Variants in PTPN9 observed in about 807,000 individuals in gnomAD.
PTPN9 encodes tyrosine-protein phosphatase non-receptor type 9.
In PTPN9, 26 loss-of-function variants were observed where a neutral mutation model predicts 69.8. That is an observed-to-expected ratio of 0.37 (90% CI 0.27 to 0.52). PTPN9 has a LOEUF of 0.52. PTPN9 is among the 20% of genes least tolerant of loss of function. The pLI is 0.91. For missense variants in PTPN9, 549 were observed against 740.3 expected, an observed-to-expected ratio of 0.74 and a Z score of 3.00; for synonymous variants, 274 against 272.5, an observed-to-expected ratio of 1.01 and a Z score of -0.05.
intron 5 of PTPN9, among the ~76,000 whole-genome samples, chr15:75,510,031 C>T (rs1031973242): frequency 6.6e-6 from 1 of 152,122 alleles, no homozygotes; most frequent in East Asian, 1.9e-4. Flanking sequence ...TTAAAAATTT[C>T]TCTTTCATAA....
In PTPN9 at chr15:75,463,602, T is replaced by G. The variant is rs1164378703; in HGVS notation, c.*5167A>C. 2 of 152,144 alleles carry G rather than the reference T, an allele frequency of 1.3e-5. No individual in the cohort carries two copies. Among genetic ancestry groups the G allele is most frequent in the Non-Finnish European group, 2.9e-5 (2 of 68,032 alleles). 9.4% of individuals were successfully genotyped at this position (152,144 alleles called of 1,614,324 possible). A position where few individuals can be genotyped will look rare whatever the true frequency, so the allele number is the denominator to read the frequency against. On this transcript the variant is annotated 3_prime_UTR_variant, in exon 13 of 13. Transcript: ENST00000618819. ...CCACATTTAGCTCAAACAGGAGGAT[T>G]TTATGACAGCCAAGGTAAAGAAGGG...
intron 1 of PTPN9, among the ~76,000 whole-genome samples, chr15:75,539,016 A>G (rs570366875): frequency 6.6e-6 from 1 of 152,212 alleles, no homozygotes; most frequent in Non-Finnish European, 1.5e-5. Context: ...TAAAAAAAAT[A>G]AAAAAGAAAG....
intron 5 of PTPN9, among the ~76,000 whole-genome samples, chr15:75,511,691 ACTTT>A (rs1179132677): frequency 6.6e-6 from 1 of 152,134 alleles, no homozygotes; most frequent in African/African-American, 2.4e-5. Flanking sequence ...CCCAACTTAG[ACTTT>A]CTATTTGTCA....
chr15:75,490,872 G>A (rs953090895), intron 7 of PTPN9, among the ~76,000 whole-genome samples: 12 of 152,136 alleles, frequency 7.9e-5, no homozygotes, highest in South Asian at 2.1e-4. Context: ...TGATCTGCCC[G>A]CCTCGGCCTC....
Position 75,470,702 on chromosome 15 carries a change from G to T in PTPN9, c.1337C>A (p.Thr446Lys), listed in dbSNP as rs552177179. The T allele has an allele frequency of 6.2e-7, 1 of 1,613,968 alleles. No individual in the cohort carries two copies. Among genetic ancestry groups the T allele is most frequent in the Non-Finnish European group, 8.5e-7 (1 of 1,179,986 alleles). Reference protein sequence around the residue: ...VENMNHYKKTTLEIHNTEERQ... With the variant: ...VENMNHYKKTKLEIHNTEERQ... The stretch of plus-strand genomic sequence containing the variant: ...TACCTCTGTGTTGTGAATTTCTAGC[G>T]TTGTTTTCTTATAATGATTCATGTT... Residue 446 changes from threonine (T) to lysine (K), a missense_variant, in exon 11 of 13, where the codon ACG becomes AAG. Around this residue, in one of 3 missense-constraint regions of PTPN9, gnomAD observed 457 missense variants for 661.9 expected, o/e 0.69. Transcript: ENST00000618819.
Position 75,467,849 on chromosome 15 carries a change from G to A in PTPN9, c.*920C>T, listed in dbSNP as rs1237654297. 3.3e-5 allele frequency: 5 copies of A among 152,642 alleles called. No individual in the cohort carries two copies. The highest frequency in any genetic ancestry group is 5.9e-5 in the Non-Finnish European group (4 of 68,058). 9.5% of individuals were successfully genotyped at this position (152,642 alleles called of 1,614,324 possible). A position where few individuals can be genotyped will look rare whatever the true frequency, so the allele number is the denominator to read the frequency against. On this transcript the variant is annotated 3_prime_UTR_variant, in exon 13 of 13. Transcript: ENST00000618819. ...GAGGTCTGTTCCCCAAATTGGCCAA[G>A]TAAATGTAGAAAAATCATCGGATAA...
chr15:75,551,624 G>A (rs146234913), intron 1 of PTPN9, among the ~76,000 whole-genome samples: 131 of 152,176 alleles, frequency 8.6e-4, no homozygotes, highest in African/African-American at 3.1e-3. Context: ...TCTGTCTCTG[G>A]CCTAGTCCCA....
At chr15:75,472,415 T>C (rs1055622386) in intron 10 of PTPN9, among the ~76,000 whole-genome samples, 2 of 151,726 alleles carry the variant, frequency 1.3e-5, no homozygotes, top group Admixed American at 6.6e-5. Context: ...TGAGCTGAGA[T>C]TGCGCCACTG....
chr15:75,504,144 G>A (rs1232878510), intron 7 of PTPN9, among the ~76,000 whole-genome samples: 7 of 117,920 alleles, frequency 5.9e-5, no homozygotes, highest in East Asian at 2.9e-4. Flanking sequence ...TCAGCCCCCC[G>A]CCCGGACAGC....
intron 1 of PTPN9, among the ~76,000 whole-genome samples, chr15:75,556,980 C>T (rs1010556386): frequency 2.0e-5 from 3 of 152,158 alleles, no homozygotes; most frequent in Non-Finnish European, 4.4e-5. Flanking sequence ...TTTCATGAAG[C>T]CGAATGTTTC....
chr15:75,499,263 G>T (rs992484207), intron 7 of PTPN9, among the ~76,000 whole-genome samples: 3 of 152,008 alleles, frequency 2.0e-5, no homozygotes, highest in Admixed American at 1.3e-4. Flanking sequence ...GAGGATTCTA[G>T]GTTCTAAATC....
chr15:75,527,102 C>T lies in PTPN9; in HGVS notation c.207+16G>A. 6.2e-7 allele frequency: 1 copy of T among 1,614,070 alleles called. No individual in the cohort carries two copies. The highest frequency in any genetic ancestry group is 8.5e-7 in the Non-Finnish European group (1 of 1,179,968). ...ACCCAACTGCCACAGGTCTGGTCTA[C>T]CCCTGAGCCACATACTCTGTAGGAG... is the stretch of plus-strand genomic sequence containing the variant. On this transcript the variant is annotated intron_variant, in intron 2 of 12. Coordinates refer to ENST00000618819, the MANE Select transcript of PTPN9 (RefSeq NM_002833.4).
At position 75,523,310 on chromosome 15, in the gene PTPN9, T is replaced by G. The variant is rs564273319; in HGVS notation, c.298-65A>C. ...AGAAAATCACAGCAATTACTAAGAC[T>G]TATATACTGGATAAGGGTTTGATAC... On this transcript the variant is annotated intron_variant, in intron 3 of 12. Coordinates refer to ENST00000618819, the MANE Select transcript of PTPN9 (RefSeq NM_002833.4). The G allele has an allele frequency of 1.6e-5, 25 of 1,539,732 alleles. No homozygotes were observed. The South Asian group carries it at 2.4e-4, about 15-fold the overall frequency.
chr15:75,536,072 T>C (rs936218491), intron 1 of PTPN9, among the ~76,000 whole-genome samples: 5 of 152,246 alleles, frequency 3.3e-5, no homozygotes, highest in Admixed American at 1.3e-4. Context: ...GTTTTAAGTA[T>C]ATTTTCTGAT....
chr15:75,489,590 A>G (rs987544209), intron 8 of PTPN9, among the ~76,000 whole-genome samples: 1 of 149,938 alleles, frequency 6.7e-6, no homozygotes, highest in Non-Finnish European at 1.5e-5. Context: ...CTTGAGGGAG[A>G]AAAAAAAAAG....
At chr15:75,519,974 T>G (rs1043450263) in intron 4 of PTPN9, among the ~76,000 whole-genome samples, 1 of 151,982 alleles carries the variant, frequency 6.6e-6, no homozygotes, top group African/African-American at 2.4e-5. Context: ...ACAAAAAAAT[T>G]TTAAAATTGG....
chr15:75,469,219 G>A (rs2074551555), intron 12 of PTPN9, among the ~76,000 whole-genome samples: 1 of 152,248 alleles, frequency 6.6e-6, no homozygotes, highest in Non-Finnish European at 1.5e-5. Context: ...ACAGGAAGTG[G>A]AAATGGGAAG....
At chr15:75,540,330 G>A (rs919861908) in intron 1 of PTPN9, among the ~76,000 whole-genome samples, 1 of 152,034 alleles carries the variant, frequency 6.6e-6, no homozygotes, top group Non-Finnish European at 1.5e-5. Context: ...GGAAGACAAG[G>A]CAGGTGGATC....
At chr15:75,514,556 C>A (rs1203094459) in intron 5 of PTPN9, among the ~76,000 whole-genome samples, 3 of 151,968 alleles carry the variant, frequency 2.0e-5, no homozygotes, top group African/African-American at 7.3e-5. Flanking sequence ...TCAGCCTTGG[C>A]AACAGAGCAA....
Sources: gnomAD v4.1 joint callset for allele counts (sites outside exome capture counted in the v4.1 genomes callset) on GRCh38, gnomAD v4.1.1 for gene constraint, gnomAD v4.1.1 regional missense constraint, MANE v1.5 for transcripts, NCBI Gene and HGNC (gene_info 2026-07-23, HGNC 2026-07-21) for gene names.